PPFIBP1: variants seen among roughly 807,000 people sequenced by gnomAD.
PPFIBP1 encodes the protein PPFIB scaffold protein 1, also known as liprin-beta-1.
A neutral mutation model predicts 137.8 loss-of-function variants in PPFIBP1; 112 were observed. The observed-to-expected ratio is 0.81, with a 90% CI of 0.70 to 0.95. The LOEUF (loss-of-function observed/expected upper bound fraction) is 0.95. PPFIBP1 is among the 40% of genes least tolerant of loss of function. The probability of loss-of-function intolerance (pLI) is 0.00; values close to 1 mark genes in which losing one functional copy is unlikely to be tolerated. For synonymous variants in PPFIBP1, 378 were observed against 417.3 expected, an observed-to-expected ratio of 0.91 and a Z score of 1.15; for missense variants, 1,083 against 1,196.6, an observed-to-expected ratio of 0.91 and a Z score of 1.40.
intron 2 of PPFIBP1, among the ~76,000 whole-genome samples, chr12:27,591,546 C>G (rs1001091471): frequency 1.3e-5 from 2 of 152,174 alleles, no homozygotes; most frequent in African/African-American, 4.8e-5. Context: ...TGAGAATTGA[C>G]TCTTAATTAA....
At chr12:27,622,287 T>C (rs529892851) in intron 2 of PPFIBP1, among the ~76,000 whole-genome samples, 2 of 152,200 alleles carry the variant, frequency 1.3e-5, no homozygotes, top group Non-Finnish European at 2.9e-5. Context: ...GCAGTGCTGC[T>C]CAAACCATCT....
intron 2 of PPFIBP1, among the ~76,000 whole-genome samples, chr12:27,622,734 A>G (rs2056451403): frequency 6.6e-6 from 1 of 152,210 alleles, no homozygotes; most frequent in Non-Finnish European, 1.5e-5. Context: ...TACCTGGCGC[A>G]TAGGAGGCCC....
At chr12:27,538,493 T>TTCCTC (rs1465559894) in intron 1 of PPFIBP1, among the ~76,000 whole-genome samples, 1 of 152,236 alleles carries the variant, frequency 6.6e-6, no homozygotes, top group Non-Finnish European at 1.5e-5. Flanking sequence ...TACCTCCATT[T>TTCCTC]TACAGATGAG....
intron 1 of PPFIBP1, among the ~76,000 whole-genome samples, chr12:27,570,417 C>G (rs2050041708): frequency 6.6e-6 from 1 of 152,174 alleles, no homozygotes; most frequent in African/African-American, 2.4e-5. Context: ...TATTAAAAGT[C>G]AGGCTGATTG....
At chr12:27,692,752 A>G (rs754035037) in intron 29 of PPFIBP1, 44 bp from the exon 30 acceptor site, 1 of 1,613,980 alleles carries the variant, frequency 6.2e-7, no homozygotes, top group Admixed American at 1.7e-5. Flanking sequence ...TGTAGCTCTG[A>G]GCTCTTGGCT....
In PPFIBP1 at chr12:27,678,880, A is replaced by AAC. The variant is rs1566000454; in HGVS notation, c.1616-607_1616-606dup. Reference sequence around the variant, plus strand: ...TCAAAAAAAAAAAAAAAAAAAAAAAAACATTTAAGAGAGAAAAAGACTCTC... The same window carrying AAC: ...TCAAAAAAAAAAAAAAAAAAAAAAAAACACATTTAAGAGAGAAAAAGACTCTC... On this transcript the variant is annotated intron_variant, in intron 19 of 29. Coordinates refer to ENST00000228425, the MANE Select transcript of PPFIBP1 (RefSeq NM_003622.4). 1.3e-4 allele frequency among the ~76,000 whole-genome samples: 18 copies of AAC among 136,700 alleles called. No homozygotes were observed. The South Asian group carries it at 3.2e-3, about 24-fold the overall frequency. The allele number at this position is 136,700 out of a possible 152,430, so 89.7% of individuals were successfully genotyped here. A position where few individuals can be genotyped will look rare whatever the true frequency, so the allele number is the denominator to read the frequency against.
intron 2 of PPFIBP1, among the ~76,000 whole-genome samples, chr12:27,598,395 A>T (rs1565843316): frequency 6.6e-6 from 1 of 152,158 alleles, no homozygotes; most frequent in African/African-American, 2.4e-5. Context: ...CACTGTCATG[A>T]GAACAGCGTG....
intron 2 of PPFIBP1, chr12:27,594,143 T>G (rs934627772): frequency 1.8e-6 from 1 of 544,894 alleles, no homozygotes; most frequent in African/African-American, 2.0e-5. Flanking sequence ...ATCATGGTAC[T>G]TAAGCAAAAA....
intron 2 of PPFIBP1, among the ~76,000 whole-genome samples, chr12:27,611,041 A>G (rs944410407): frequency 5.3e-5 from 8 of 152,234 alleles, no homozygotes; most frequent in African/African-American, 1.9e-4. Context: ...ATCTCTCAGC[A>G]GGAACAGAAT....
At chr12:27,655,202 G>A (rs2059121177) in intron 8 of PPFIBP1, 1 of 1,535,624 alleles carries the variant, frequency 6.5e-7, no homozygotes, top group Non-Finnish European at 8.7e-7. Flanking sequence ...AGTATGAAAA[G>A]CAGCGGATGG....
intron 2 of PPFIBP1, among the ~76,000 whole-genome samples, chr12:27,619,790 T>C (rs1343099983): frequency 6.6e-6 from 1 of 152,184 alleles, no homozygotes; most frequent in Non-Finnish European, 1.5e-5. Context: ...CACATCAAAC[T>C]GTGCAGTAAA....
chr12:27,675,961 C>G (rs893963674), intron 17 of PPFIBP1, among the ~76,000 whole-genome samples: 1 of 152,010 alleles, frequency 6.6e-6, no homozygotes, highest in Admixed American at 6.6e-5. Context: ...TGAACTAATG[C>G]CTGCTTTGTA....
chr12:27,541,247 G>A (rs946483783), intron 1 of PPFIBP1, among the ~76,000 whole-genome samples: 1 of 151,770 alleles, frequency 6.6e-6, no homozygotes, highest in Admixed American at 6.6e-5. Flanking sequence ...ACGTGTGTGT[G>A]TGTGTGAGAG....
intron 2 of PPFIBP1, among the ~76,000 whole-genome samples, chr12:27,580,371 T>A (rs2050978575): frequency 6.6e-6 from 1 of 152,228 alleles, no homozygotes; most frequent in African/African-American, 2.4e-5. Flanking sequence ...AAGACCTTTC[T>A]GCATTCAGAT....
chr12:27,689,666 G>T (rs1394100291), intron 27 of PPFIBP1, among the ~76,000 whole-genome samples: 1 of 151,906 alleles, frequency 6.6e-6, no homozygotes, highest in African/African-American at 2.4e-5. Context: ...TCGTTTTCCC[G>T]CTCCTGCCTT....
At chr12:27,539,223 A>G (rs1242094384) in intron 1 of PPFIBP1, among the ~76,000 whole-genome samples, 1 of 152,236 alleles carries the variant, frequency 6.6e-6, no homozygotes, top group Non-Finnish European at 1.5e-5. Flanking sequence ...GCTTAATTTC[A>G]TCAGCATCAG....
In PPFIBP1 at chr12:27,613,817, C is replaced by T. The variant is rs571214137; in HGVS notation, c.-35-19545C>T. 5.9e-5 allele frequency among the ~76,000 whole-genome samples: 9 copies of T among 152,202 alleles called. No individual in the cohort carries two copies. The East Asian group carries it at 7.7e-4, about 13-fold the overall frequency. The stretch of plus-strand genomic sequence containing the variant: ...AGTCCTGTGAGCTAGCTCTCCAGCA[C>T]GAGGGACTTTCTTGTGTTTAGTTTC... On this transcript the variant is annotated intron_variant, in intron 2 of 29. Coordinates refer to ENST00000228425, the MANE Select transcript of PPFIBP1 (RefSeq NM_003622.4).
intron 1 of PPFIBP1, among the ~76,000 whole-genome samples, chr12:27,540,318 A>G (rs1186852495): frequency 2.0e-5 from 3 of 152,056 alleles, no homozygotes; most frequent in Non-Finnish European, 4.4e-5. Context: ...AAACAAGATA[A>G]TGAATGCAAA....
At chr12:27,600,977 T>G (rs1446789890) in intron 2 of PPFIBP1, among the ~76,000 whole-genome samples, 1 of 152,212 alleles carries the variant, frequency 6.6e-6, no homozygotes, top group African/African-American at 2.4e-5. Flanking sequence ...GTGAGAACTT[T>G]TAAAATCATT....
Sources: allele counts gnomAD v4.1 joint callset (sites outside exome capture counted in the v4.1 genomes callset), GRCh38; gene constraint gnomAD v4.1.1; transcripts MANE v1.5; gene names NCBI Gene and HGNC (gene_info 2026-07-23, HGNC 2026-07-21).